The following PAWR variants were observed in gnomAD, a reference collection of about 807,000 sequenced individuals.
The protein encoded by PAWR is PRKC apoptosis WT1 regulator protein.
A neutral mutation model predicts 32.0 loss-of-function variants in PAWR; 23 were observed. The observed-to-expected ratio is 0.72, with a 90% confidence interval of 0.52 to 1.02. PAWR has a LOEUF of 1.02. PAWR is among the 50% of genes least tolerant of loss of function. PAWR has a pLI of 0.00. For missense variants in PAWR, 457 were observed against 437.7 expected, an observed-to-expected ratio of 1.04 and a Z score of -0.39; for synonymous variants, 226 against 187.1, an observed-to-expected ratio of 1.21 and a Z score of -1.70.
intron 2 of PAWR, among the ~76,000 whole-genome samples, chr12:79,626,089 G>A (rs184509546): frequency 0.052 from 7,312 of 141,122 alleles, 274 homozygotes; most frequent in East Asian, 0.1. Context: ...GAGTGAACCC[G>A]GGAGGCGGAG....
At chr12:79,643,345 A>AC (rs1876421030) in intron 2 of PAWR, among the ~76,000 whole-genome samples, 1 of 152,170 alleles carries the variant, frequency 6.6e-6, no homozygotes, top group Non-Finnish European at 1.5e-5. Context: ...AGAAGTAATG[A>AC]AAATATACAT....
intron 2 of PAWR, among the ~76,000 whole-genome samples, chr12:79,650,452 A>G (rs1046340625): frequency 2.0e-5 from 3 of 152,192 alleles, no homozygotes; most frequent in African/African-American, 4.8e-5. Context: ...AGGACTGTAC[A>G]TGAGGATTCA....
At chr12:79,666,121 G>A (rs910146904) in intron 2 of PAWR, among the ~76,000 whole-genome samples, 1 of 152,128 alleles carries the variant, frequency 6.6e-6, no homozygotes, top group Non-Finnish European at 1.5e-5. Context: ...AATTTAAGAA[G>A]CCAACTGTAT....
At chr12:79,638,015 A>C (rs1263401319) in intron 2 of PAWR, among the ~76,000 whole-genome samples, 3 of 152,138 alleles carry the variant, frequency 2.0e-5, no homozygotes, top group Non-Finnish European at 4.4e-5. Context: ...TGATTTGTTC[A>C]ATCCTGTCTG....
chr12:79,636,191 T>C (rs1875953693), intron 2 of PAWR, among the ~76,000 whole-genome samples: 1 of 152,118 alleles, frequency 6.6e-6, no homozygotes, highest in Non-Finnish European at 1.5e-5. Context: ...TATAGAAATT[T>C]AATAAGTTCA....
At chr12:79,664,200 C>G (rs556141903) in intron 2 of PAWR, among the ~76,000 whole-genome samples, 2 of 152,138 alleles carry the variant, frequency 1.3e-5, no homozygotes, top group Admixed American at 6.5e-5. Context: ...GAGGCCACCA[C>G]TTCAAGGGTT....
intron 2 of PAWR, among the ~76,000 whole-genome samples, chr12:79,663,473 G>A (rs764740577): frequency 1.3e-5 from 2 of 152,140 alleles, no homozygotes; most frequent in Non-Finnish European, 2.9e-5. Context: ...TGATTCTTAG[G>A]CAAATAAAGT....
intron 2 of PAWR, among the ~76,000 whole-genome samples, chr12:79,656,351 T>C (rs1230836029): frequency 6.6e-6 from 1 of 152,170 alleles, no homozygotes; most frequent in Non-Finnish European, 1.5e-5. Context: ...TGAACTAGTG[T>C]GGTAGTAATG....
chr12:79,585,093 A>G lies in PAWR; in HGVS notation c.*7514T>C. On this transcript the variant is annotated 3_prime_UTR_variant, in exon 7 of 7. Transcript: ENST00000328827. ...GGGTTATGTCAGGATGCCAATGTCCATGCTGAGGCTTCTCCTGATACAATC... is the reference window on the plus strand; with the variant it reads ...GGGTTATGTCAGGATGCCAATGTCCGTGCTGAGGCTTCTCCTGATACAATC... 2.3e-6 allele frequency: 1 copy of G among 436,528 alleles called. No homozygotes were observed. The allele number at this position is 436,528 out of a possible 1,614,324, so 27.0% of individuals were successfully genotyped here. A position where few individuals can be genotyped will look rare whatever the true frequency, so the allele number is the denominator to read the frequency against.
At chr12:79,689,090 G>C (rs755488524) in intron 2 of PAWR, among the ~76,000 whole-genome samples, 2 of 152,174 alleles carry the variant, frequency 1.3e-5, no homozygotes, top group Non-Finnish European at 2.9e-5. Context: ...TTAGCGAACA[G>C]AATTGTGGGT....
chr12:79,622,830 A>T (rs1875090126), intron 2 of PAWR, among the ~76,000 whole-genome samples: 1 of 152,138 alleles, frequency 6.6e-6, no homozygotes, highest in Non-Finnish European at 1.5e-5. Context: ...AACCCAGGAG[A>T]CTAGTATCTT....
At chr12:79,620,680 C>G (rs1874960801) in intron 3 of PAWR, among the ~76,000 whole-genome samples, 1 of 152,126 alleles carries the variant, frequency 6.6e-6, no homozygotes, top group African/African-American at 2.4e-5. Flanking sequence ...CAAGAGGCAG[C>G]CTGGCATGGG....
At chr12:79,621,325 TA>T (rs1875002822) in intron 2 of PAWR, 118 bp from the exon 3 acceptor site, 1 of 746,578 alleles carries the variant, frequency 1.3e-6, no homozygotes, top group African/African-American at 1.8e-5. Context: ...TTAGTTTGCA[TA>T]ATAAAAGTAT....
intron 2 of PAWR, among the ~76,000 whole-genome samples, chr12:79,638,202 T>C (rs1876060300): frequency 6.6e-6 from 1 of 152,094 alleles, no homozygotes; most frequent in Non-Finnish European, 1.5e-5. Context: ...CTCACCCTTA[T>C]TTTTTCAACT....
At position 79,647,913 on chromosome 12, in the gene PAWR, A is replaced by T. The variant is rs150832409; in HGVS notation, c.517-26706T>A. On this transcript the variant is annotated intron_variant, in intron 2 of 6. Transcript: ENST00000328827. ...AAGACAGGGGCAGGGGGATGGTTTC[A>T]GGATGAAACTGTTCTACCTCAGATC... Among the ~76,000 whole-genome samples, 12 of 152,288 alleles carry T rather than the reference A, an allele frequency of 7.9e-5. No individual in the cohort carries two copies. In the East Asian group the frequency reaches 2.3e-3, roughly 29 times the overall value.
intron 6 of PAWR, 61 bp downstream of exon 6, chr12:79,594,268 A>T (rs930329987): frequency 1.6e-6 from 1 of 637,692 alleles, no homozygotes; most frequent in Non-Finnish European, 2.8e-6. Context: ...TCATATTTAT[A>T]TATTTTCATC....
At chr12:79,617,262 G>A (rs978437269) in intron 3 of PAWR, among the ~76,000 whole-genome samples, 5 of 152,178 alleles carry the variant, frequency 3.3e-5, no homozygotes, top group Non-Finnish European at 5.9e-5. Flanking sequence ...TGAGACAGGA[G>A]AATTGCTTTA....
At chr12:79,631,335 A>C (rs1474636253) in intron 2 of PAWR, among the ~76,000 whole-genome samples, 3 of 152,218 alleles carry the variant, frequency 2.0e-5, no homozygotes, top group African/African-American at 7.2e-5. Flanking sequence ...TAAGGTAAGC[A>C]TAAGAAAGAA....
At chr12:79,604,529 G>A in intron 4 of PAWR, 2 of 1,171,782 alleles carry the variant, frequency 1.7e-6, no homozygotes, top group East Asian at 6.7e-5. Flanking sequence ...CAAGACTCAA[G>A]GGTAAATCCT....
Sources: gnomAD v4.1 joint callset for allele counts (sites outside exome capture counted in the v4.1 genomes callset) on GRCh38, gnomAD v4.1.1 for gene constraint, MANE v1.5 for transcripts, NCBI Gene and HGNC (gene_info 2026-07-23, HGNC 2026-07-21) for gene names.